The following ACSM3 variants were observed in gnomAD, a reference collection of about 807,000 sequenced individuals.
ACSM3 encodes the protein acyl-coenzyme A synthetase ACSM3, mitochondrial.
A neutral mutation model predicts 74.1 loss-of-function variants in ACSM3; 61 were observed. That is an observed-to-expected ratio of 0.82 (90% CI 0.67 to 1.02). ACSM3 has a LOEUF of 1.02. Among genes scored for constraint, ACSM3 ranks in the 50% least tolerant of loss-of-function variants. The probability of loss-of-function intolerance (pLI) is 0.00; values close to 1 mark genes in which losing one functional copy is unlikely to be tolerated. For missense variants in ACSM3, 660 were observed against 697.0 expected, an observed-to-expected ratio of 0.95 and a Z score of 0.60; for synonymous variants, 213 against 241.5, an observed-to-expected ratio of 0.88 and a Z score of 1.09.
At chr16:20,693,196 T>G (rs1430301315) in intron 1 of ACSM3, among the ~76,000 whole-genome samples, 1 of 151,892 alleles carries the variant, frequency 6.6e-6, no homozygotes, top group African/African-American at 2.4e-5. Context: ...ATTCAGATCT[T>G]AGTCCTCACT....
rs1257689980 is a variant in ACSM3, at chr16:20,775,933, G to C, written c.314G>C (p.Arg105Thr). Reference protein sequence around the residue: ...WSFEELGSLSRKFANILSEAC... With the variant: ...WSFEELGSLSTKFANILSEAC... Reference sequence around the variant, plus strand: ...TTTGAGGAACTGGGATCTCTGTCCAGAAAATTTGCCAATATACTTTCAGAA... The same window carrying C: ...TTTGAGGAACTGGGATCTCTGTCCACAAAATTTGCCAATATACTTTCAGAA... The change falls in exon 3 of 14, where the codon AGA becomes ACA. Residue 105 changes from arginine to threonine, a missense_variant. Arg to Thr is a moderately conservative substitution (Grantham distance 71). Transcript: ENST00000289416. 1.9e-6 allele frequency: 3 copies of C among 1,614,068 alleles called. No individual in the cohort carries two copies. The highest frequency in any genetic ancestry group is 2.5e-6 in the Non-Finnish European group (3 of 1,180,040).
At position 20,776,009 on chromosome 16, in the gene ACSM3, C is replaced by T. The variant is rs770997675; in HGVS notation, c.390C>T (p.Val130=). 4 of 1,613,994 alleles carry T rather than the reference C, an allele frequency of 2.5e-6. No homozygotes were observed. Among genetic ancestry groups the T allele is most frequent in the Middle Eastern group, 1.6e-4 (1 of 6,082 alleles). The change falls in exon 3 of 14, where the codon GTC becomes GTT. Residue 130 remains valine (V), a synonymous_variant. Transcript: ENST00000289416. ...GGGTAATTCTGATTCTGCCCAGGGT[C>T]CCAGAGTGGTGGCTTGCAAATGTGG... The part of the protein sequence containing the change: ...GDRVILILPR[V]PEWWLANVAC...
intron 1 of ACSM3, among the ~76,000 whole-genome samples, chr16:20,728,801 T>C (rs1281193872): frequency 2.0e-5 from 3 of 151,652 alleles, no homozygotes; most frequent in East Asian, 1.9e-4. Context: ...TACTAGGAAC[T>C]ACCTTTTTTA....
intron 1 of ACSM3, chr16:20,703,032 G>T (rs1158260736): frequency 6.6e-6 from 1 of 152,142 alleles, no homozygotes; most frequent in Non-Finnish European, 1.5e-5. Flanking sequence ...TCTGCATATG[G>T]CTAGCCAGTT....
intron 1 of ACSM3, chr16:20,741,479 C>CAGGGGGG: frequency 7.5e-7 from 1 of 1,329,524 alleles, no homozygotes; most frequent in Non-Finnish European, 9.8e-7. Flanking sequence ...GCCTGGCAGC[C>CAGGGGGG]GGCCCGCCCG....
intron 1 of ACSM3, chr16:20,703,525 C>G (rs142271535): frequency 6.6e-6 from 1 of 151,808 alleles, no homozygotes; most frequent in Non-Finnish European, 1.5e-5. Context: ...AGATGTCCTT[C>G]GCAGATTTTT....
At chr16:20,695,729 A>G (rs1428057661) in intron 1 of ACSM3, among the ~76,000 whole-genome samples, 2 of 151,942 alleles carry the variant, frequency 1.3e-5, no homozygotes, top group Non-Finnish European at 2.9e-5. Flanking sequence ...CTGATCTCCA[A>G]GTGTTGAGGA....
At chr16:20,688,178 G>A (rs756441292) in intron 1 of ACSM3, among the ~76,000 whole-genome samples, 5 of 151,848 alleles carry the variant, frequency 3.3e-5, no homozygotes, top group Non-Finnish European at 5.9e-5. Flanking sequence ...TTCACTAGGG[G>A]TTCAATGGCA....
intron 7 of ACSM3, chr16:20,784,659 C>A (rs2080430306): frequency 1.2e-5 from 2 of 163,674 alleles, no homozygotes; most frequent in South Asian, 1.8e-4. Flanking sequence ...TTATGGGGTA[C>A]CTTCCCTAAG....
intron 1 of ACSM3, chr16:20,741,476 A>AGCCGGGGGGGGGGGGGGGGG: frequency 7.2e-7 from 1 of 1,388,838 alleles, no homozygotes; most frequent in Non-Finnish European, 9.5e-7. Flanking sequence ...AAGGCCTGGC[A>AGCCGGGGGGGGGGGGGGGGG]GCCGGCCCGC....
At chr16:20,787,033 C>T (rs2080489143) in intron 9 of ACSM3, among the ~76,000 whole-genome samples, 1 of 152,218 alleles carries the variant, frequency 6.6e-6, no homozygotes, top group Admixed American at 6.5e-5. Flanking sequence ...CCACTACTAC[C>T]ACCTGATGCC....
rs777617210 is a variant in ACSM3 at position 20,736,929 on chromosome 16, G to C, written c.-189-12981G>C. The C allele has an allele frequency of 8.7e-6, 14 of 1,614,088 alleles. No homozygotes were observed. The Admixed American group carries it at 1.5e-4, about 17-fold the overall frequency. On this transcript the variant is annotated intron_variant, in intron 1 of 3. Coordinates refer to the ACSM3 transcript ENST00000561584. The stretch of plus-strand genomic sequence containing the variant: ...CTTGGATCCTTCTGTGGCTTGACTT[G>C]CAAGTTCAGGTTTGGCTCCTCCCTC...
intron 1 of ACSM3, chr16:20,734,261 C>G (rs1277485745): frequency 6.6e-6 from 1 of 152,574 alleles, no homozygotes; most frequent in Non-Finnish European, 1.5e-5. Flanking sequence ...TTTTGTCTTG[C>G]ACTATCAAAA....
At chr16:20,742,010 GTCGGTGGCTCC>G in intron 1 of ACSM3, 1 of 1,482,150 alleles carries the variant, frequency 6.7e-7, no homozygotes, top group Non-Finnish European at 9.0e-7. Context: ...TGGAAGTGGT[GTCGGTGGCTCC>G]TCAAGCCCTT....
intron 12 of ACSM3, 40 bp from the exon 13 acceptor site, chr16:20,796,330 G>A (rs762799356): frequency 1.2e-6 from 2 of 1,600,444 alleles, no homozygotes; most frequent in Non-Finnish European, 1.7e-6. Context: ...ACATACAAAT[G>A]CATAACTCAT....
At chr16:20,733,863 A>C (rs1009668842) in intron 1 of ACSM3, 50 of 152,128 alleles carry the variant, frequency 3.3e-4, no homozygotes, top group African/African-American at 1.2e-3. Context: ...TTTCTAAACC[A>C]TAAGACTGCA....
upstream of ACSM3, among the ~76,000 whole-genome samples, chr16:20,762,678 T>C (rs1209324539): frequency 6.6e-6 from 1 of 152,198 alleles, no homozygotes; most frequent in African/African-American, 2.4e-5. Flanking sequence ...CACATGCTTA[T>C]AGTAACTGAT....
chr16:20,795,151 G>A (rs772041897), intron 12 of ACSM3, among the ~76,000 whole-genome samples: 32 of 152,108 alleles, frequency 2.1e-4, no homozygotes, highest in Non-Finnish European at 2.9e-4. Flanking sequence ...CACAACTGCC[G>A]CATGGCACAT....
chr16:20,694,671 T>C (rs1356499377), intron 1 of ACSM3, among the ~76,000 whole-genome samples: 1 of 152,184 alleles, frequency 6.6e-6, no homozygotes, highest in African/African-American at 2.4e-5. Context: ...GGGAGAGATA[T>C]AGTGAGGGAA....
Sources: gnomAD v4.1 joint callset for allele counts (sites outside exome capture counted in the v4.1 genomes callset) on GRCh38, gnomAD v4.1.1 for gene constraint, MANE v1.5 for transcripts, NCBI Gene and HGNC (gene_info 2026-07-23, HGNC 2026-07-21) for gene names.